The following IQCK variants were observed in gnomAD, a reference collection of about 807,000 sequenced individuals.
IQCK encodes the protein IQ motif containing K.
IQCK carries 29 observed loss-of-function variants against 28.1 expected under a neutral mutation model. The ratio of observed to expected loss-of-function variants is 1.03; its 90% confidence interval spans 0.77 to 1.41. The LOEUF (loss-of-function observed/expected upper bound fraction) is 1.41. Ranked by LOEUF, IQCK falls within the 40% of genes most tolerant of loss-of-function variation. The pLI is 0.00. For synonymous variants in IQCK, 113 were observed against 115.1 expected, an observed-to-expected ratio of 0.98 and a Z score of 0.12; for missense variants, 359 against 314.7, an observed-to-expected ratio of 1.14 and a Z score of -1.07.
rs968552747 is a variant in IQCK at position 19,735,584 on chromosome 16, G to T, written c.474+134G>T. 6 of 719,162 alleles carry T rather than the reference G, an allele frequency of 8.3e-6. No homozygotes were observed. In the African/African-American group the frequency reaches 8.8e-5, roughly 11 times the overall value. 44.5% of individuals were successfully genotyped at this position (719,162 alleles called of 1,614,324 possible). On this transcript the variant is annotated intron_variant, in intron 4 of 7. Transcript: ENST00000564186. ...TCGGGAGGGAAAGCCTGTGTTTGGGGTCACTTACCCAGTTCCAGCCACACC... is the reference window on the plus strand; with the variant it reads ...TCGGGAGGGAAAGCCTGTGTTTGGGTTCACTTACCCAGTTCCAGCCACACC...
intron 4 of IQCK, among the ~76,000 whole-genome samples, chr16:19,752,333 A>T (rs2054997394): frequency 6.6e-6 from 1 of 152,218 alleles, no homozygotes; most frequent in Admixed American, 6.5e-5. Context: ...GAACACTCAG[A>T]GTAAAGTTAA....
intron 6 of IQCK, among the ~76,000 whole-genome samples, chr16:19,776,696 G>A (rs894760898): frequency 1.3e-5 from 2 of 152,084 alleles, no homozygotes; most frequent in South Asian, 2.1e-4. Flanking sequence ...GTGATAGAGC[G>A]AGCCTCCGTC....
chr16:19,749,355 C>A (rs890891449), intron 4 of IQCK, among the ~76,000 whole-genome samples: 1 of 152,218 alleles, frequency 6.6e-6, no homozygotes, highest in Non-Finnish European at 1.5e-5. Flanking sequence ...TGAAATTTCA[C>A]TGGAACACAG....
At chr16:19,824,239 C>T (rs2056113596) in intron 7 of IQCK, among the ~76,000 whole-genome samples, 1 of 152,172 alleles carries the variant, frequency 6.6e-6, no homozygotes, top group African/African-American at 2.4e-5. Context: ...GAGATGGTGA[C>T]AGATCATCTG....
At position 19,718,333 on chromosome 16, in the gene IQCK, C is replaced by T. The variant is rs1343747232; in HGVS notation, c.27C>T (p.Ser9=). 5 of 1,609,674 alleles carry T rather than the reference C, an allele frequency of 3.1e-6. No homozygotes were observed. In the East Asian group the frequency reaches 6.7e-5, roughly 22 times the overall value. ...TGGCGGCACCGCGGCAAATCCCCAGCCACATAGTGCGCCTCAAGCCCAGCT... is the reference window on the plus strand; with the variant it reads ...TGGCGGCACCGCGGCAAATCCCCAGTCACATAGTGCGCCTCAAGCCCAGCT... Residue 9 remains serine, a synonymous_variant, in exon 1 of 8, where the codon AGC becomes AGT. Transcript: ENST00000564186.
intron 7 of IQCK, among the ~76,000 whole-genome samples, chr16:19,826,108 G>A (rs2056145577): frequency 6.6e-6 from 1 of 151,750 alleles, no homozygotes; most frequent in South Asian, 2.1e-4. Flanking sequence ...CCAGGCTCAA[G>A]CAATCCTCCC....
At chr16:19,767,894 T>TAAAC (rs1321358412) in intron 6 of IQCK, among the ~76,000 whole-genome samples, 1 of 150,986 alleles carries the variant, frequency 6.6e-6, no homozygotes, top group South Asian at 2.1e-4. Flanking sequence ...AATAAATAAA[T>TAAAC]AAACAAATAA....
intron 4 of IQCK, among the ~76,000 whole-genome samples, chr16:19,750,621 C>T (rs921103981): frequency 4.0e-5 from 6 of 150,460 alleles, no homozygotes; most frequent in African/African-American, 1.5e-4. Flanking sequence ...GCCACCATGC[C>T]CGGCTAATTT....
rs1384590586 is a variant in IQCK, at chr16:19,718,328, C to T, written c.22C>T (p.Pro8Ser). ...GGCCATGGCGGCACCGCGGCAAATC[C>T]CCAGCCACATAGTGCGCCTCAAGCC... The change falls in exon 1 of 8, where the codon CCC becomes TCC. Residue 8 changes from proline to serine, a missense_variant. Transcript: ENST00000564186. 2.5e-6 allele frequency: 4 copies of T among 1,609,180 alleles called. No homozygotes were observed. Among genetic ancestry groups the T allele is most frequent in the Admixed American group, 1.7e-5 (1 of 59,578 alleles).
intron 4 of IQCK, chr16:19,761,539 A>T: frequency 1.9e-5 from 5 of 268,956 alleles, no homozygotes; most frequent in Non-Finnish European, 3.1e-5. Context: ...CTCTAGACTG[A>T]CTTGATTCTT....
exon 10 of IQCK, chr16:19,857,416 T>C (rs1173014804): frequency 1.1e-5 from 5 of 438,862 alleles, no homozygotes; most frequent in African/African-American, 2.1e-5. Context: ...ATGGTACATA[T>C]TGATTGTCTT....
intron 7 of IQCK, among the ~76,000 whole-genome samples, chr16:19,810,683 G>A (rs779103161): frequency 2.6e-4 from 40 of 151,610 alleles, no homozygotes; most frequent in Non-Finnish European, 2.6e-4. Flanking sequence ...GTGGGCGCCT[G>A]TAATCCCAGC....
chr16:19,815,649 C>T (rs1183090441), intron 7 of IQCK, among the ~76,000 whole-genome samples: 1 of 152,132 alleles, frequency 6.6e-6, no homozygotes, highest in East Asian at 1.9e-4. Context: ...CCAGCCTGGG[C>T]AACAGAGCAA....
At position 19,856,972 on chromosome 16, in the gene IQCK, G is replaced by A. The variant is rs559082653; in HGVS notation, c.*424G>A. On this transcript the variant is annotated 3_prime_UTR_variant, in exon 10 of 10. Transcript: ENST00000320394. ...GAATTTGGTTTTAAGTTTACCTAGT[G>A]ACTGACTACTCTCTTTATAAAAAAG... is the stretch of plus-strand genomic sequence containing the variant. 4 of 168,630 alleles carry A rather than the reference G, an allele frequency of 2.4e-5. No homozygotes were observed. In the South Asian group the frequency reaches 6.4e-4, roughly 27 times the overall value. The allele number at this position is 168,630 out of a possible 1,614,324, so 10.4% of individuals were successfully genotyped here. A position where few individuals can be genotyped will look rare whatever the true frequency, so the allele number is the denominator to read the frequency against.
At chr16:19,783,111 G>A (rs2055513425) in intron 6 of IQCK, among the ~76,000 whole-genome samples, 1 of 151,894 alleles carries the variant, frequency 6.6e-6, no homozygotes, top group Middle Eastern at 3.4e-3. Context: ...CGATTCTCCT[G>A]CCTCAGCCTC....
At chr16:19,856,590 C>G in exon 10 of IQCK, 1 of 1,529,944 alleles carries the variant, frequency 6.5e-7, no homozygotes, top group Non-Finnish European at 9.1e-7. Flanking sequence ...GCACAAGTTA[C>G]CTTGTGCAAG....
At chr16:19,756,687 C>T (rs923896646) in intron 4 of IQCK, among the ~76,000 whole-genome samples, 2 of 151,972 alleles carry the variant, frequency 1.3e-5, no homozygotes, top group African/African-American at 2.4e-5. Context: ...GAGATGGTCA[C>T]GAGGTCAGGA....
exon 10 of IQCK, chr16:19,857,079 C>T (rs1366852174): frequency 5.6e-6 from 1 of 178,256 alleles, no homozygotes; most frequent in African/African-American, 2.4e-5. Flanking sequence ...CACTTAAACC[C>T]AGACAGATGT....
At chr16:19,853,430 C>T (rs933501598) in intron 9 of IQCK, among the ~76,000 whole-genome samples, 3 of 152,112 alleles carry the variant, frequency 2.0e-5, no homozygotes, top group Non-Finnish European at 2.9e-5. Flanking sequence ...AAGGTCAACA[C>T]GTAGGGAGTA....
Sources: gnomAD v4.1 joint callset for allele counts (sites outside exome capture counted in the v4.1 genomes callset) on GRCh38, gnomAD v4.1.1 for gene constraint, MANE v1.5 for transcripts, NCBI Gene and HGNC (gene_info 2026-07-23, HGNC 2026-07-21) for gene names.